Variants in ROCK2 observed in about 807,000 individuals in gnomAD.
ROCK2 encodes the protein Rho associated coiled-coil containing protein kinase 2, also known as rho-associated protein kinase 2.
In ROCK2, 61 loss-of-function variants were observed where a neutral mutation model predicts 195.1. That is an observed-to-expected ratio of 0.31 (90% confidence interval 0.25 to 0.39). The LOEUF is 0.39. Among genes scored for constraint, ROCK2 ranks in the 10% least tolerant of loss-of-function variants. The pLI, the probability that ROCK2 is intolerant of heterozygous loss-of-function variation, is 1.00. For missense variants in ROCK2, 1,109 were observed against 1,637.4 expected (o/e 0.68, Z 5.57); for synonymous variants, 504 against 545.5 (o/e 0.92, Z 1.06).
Position 11,208,345 on chromosome 2 carries a change from T to C in ROCK2, c.2306A>G (p.Lys769Arg), listed in dbSNP as rs762679348. The C allele has an allele frequency of 3.3e-6, 5 of 1,519,566 alleles. No homozygotes were observed. The highest frequency in any genetic ancestry group is 3.6e-5 in the Admixed American group (2 of 56,088). The allele number at this position is 1,519,566 out of a possible 1,614,324, so 94.1% of individuals were successfully genotyped here. The change falls in exon 19 of 33, where the codon AAA becomes AGA. Residue 769 changes from lysine to arginine, a missense_variant. Lys to Arg is a conservative substitution (Grantham distance 26). Transcript: ENST00000315872. ...KRCSLLDCDL[K>R]QSQQKINELL... ...CTCATTTATTTTCTGCTGTGACTGTTTGAGGTCACAGTCTAATAGAGAACA... is the reference window on the plus strand; with the variant it reads ...CTCATTTATTTTCTGCTGTGACTGTCTGAGGTCACAGTCTAATAGAGAACA...
In ROCK2 at chr2:11,344,082, CCGGCGCG is replaced by C. The variant is rs780269164; in HGVS notation, c.48_54del (p.Ala17GlyfsTer15). On this transcript the variant is annotated frameshift_variant, in exon 1 of 33. Coordinates refer to ENST00000315872, the MANE Select transcript of ROCK2 (RefSeq NM_004850.5). LOFTEE classifies it high-confidence loss of function. The surrounding 1 kb of genome is among the most constrained non-coding windows in gnomAD (Gnocchi z 5.4). ...TGGCGGCTCGCGCCTGCCCCGTCCC[CCGGCGCG>C]GTCTCGGGGGCGCCGGGCATTTTCC... The C allele has an allele frequency of 6.5e-7, 1 of 1,545,262 alleles. No individual in the cohort carries two copies. Among genetic ancestry groups the C allele is most frequent in the Non-Finnish European group, 8.7e-7 (1 of 1,151,360 alleles).
chr2:11,255,332 C>A (rs1232374561), intron 3 of ROCK2, among the ~76,000 whole-genome samples: 1 of 150,428 alleles, frequency 6.6e-6, no homozygotes, highest in Non-Finnish European at 1.5e-5. Flanking sequence ...ACTGGACAGC[C>A]TATCAGAATG....
chr2:11,207,942 G>GTAAATTATT (rs763842019), intron 19 of ROCK2, 32 bp from the exon 20 acceptor site: 1 of 1,383,604 alleles, frequency 7.2e-7, no homozygotes, highest in African/African-American at 1.5e-5. Flanking sequence ...TGGTATATAA[G>GTAAATTATT]TAAATTATTT....
chr2:11,274,927 T>G (rs1359494847), intron 3 of ROCK2, among the ~76,000 whole-genome samples: 1 of 152,148 alleles, frequency 6.6e-6, no homozygotes, highest in Non-Finnish European at 1.5e-5. Flanking sequence ...TATGATAAAG[T>G]TCAATTTATA....
At chr2:11,231,306 C>T (rs376348645) in intron 5 of ROCK2, among the ~76,000 whole-genome samples, 2 of 151,726 alleles carry the variant, frequency 1.3e-5, no homozygotes, top group African/African-American at 4.8e-5. Context: ...TGGGTTCAAG[C>T]GATTCTCCTG....
intron 4 of ROCK2, among the ~76,000 whole-genome samples, chr2:11,247,625 T>C (rs1015263783): frequency 6.6e-6 from 1 of 152,218 alleles, no homozygotes; most frequent in Non-Finnish European, 1.5e-5. Context: ...AATATCAATT[T>C]ATGAAATAAC....
At chr2:11,269,133 T>C (rs1308809822) in intron 3 of ROCK2, among the ~76,000 whole-genome samples, 1 of 152,212 alleles carries the variant, frequency 6.6e-6, no homozygotes, top group South Asian at 2.1e-4. Context: ...TTTACTGATA[T>C]TTTCATATTG....
At chr2:11,248,735 A>AAAAAAAAAAG (rs1665718986) in intron 4 of ROCK2, among the ~76,000 whole-genome samples, 1 of 139,584 alleles carries the variant, frequency 7.2e-6, no homozygotes, top group African/African-American at 2.6e-5. Flanking sequence ...AAAAAAAAAA[A>AAAAAAAAAAG]AAAGAAAGAA....
At chr2:11,275,236 G>A (rs1666783087) in intron 3 of ROCK2, among the ~76,000 whole-genome samples, 1 of 148,076 alleles carries the variant, frequency 6.8e-6, no homozygotes, top group South Asian at 2.2e-4. Flanking sequence ...CAGCCTGGGG[G>A]ACAACAGCGA....
chr2:11,264,402 A>T (rs1666344244), intron 3 of ROCK2, among the ~76,000 whole-genome samples: 1 of 58,584 alleles, frequency 1.7e-5, no homozygotes, highest in Non-Finnish European at 5.5e-5. Flanking sequence ...CAGAAAAAAG[A>T]GTAATCAGTG....
At chr2:11,217,402 T>C in intron 11 of ROCK2, 1 of 582,496 alleles carries the variant, frequency 1.7e-6, no homozygotes, top group Non-Finnish European at 3.2e-6. Context: ...TATGTAACCA[T>C]GCATAAGAAG....
intron 27 of ROCK2, among the ~76,000 whole-genome samples, chr2:11,196,242 G>A (rs1032945216): frequency 6.6e-6 from 1 of 152,170 alleles, no homozygotes; most frequent in Non-Finnish European, 1.5e-5. Context: ...TCAGGGTAAC[G>A]ATCGGGCCAA....
intron 1 of ROCK2, among the ~76,000 whole-genome samples, chr2:11,319,051 T>C (rs1668318874): frequency 6.6e-6 from 1 of 152,224 alleles, no homozygotes; most frequent in Admixed American, 6.5e-5. Context: ...GCCTCCAGCT[T>C]TGTTCTTTTG....
At position 11,259,565 on chromosome 2, in the gene ROCK2, G is replaced by C. The variant is rs371787981; in HGVS notation, c.325-9767C>G. 1.1e-4 allele frequency among the ~76,000 whole-genome samples: 16 copies of C among 151,398 alleles called. No homozygotes were observed. The East Asian group carries it at 3.1e-3, about 29-fold the overall frequency. ...CTCAGTTTTGCAATCTATAAAGCTA[G>C]TATCATAATACCCATCATAAGGTTG... On this transcript the variant is annotated intron_variant, in intron 3 of 32. Coordinates refer to ENST00000315872, the MANE Select transcript of ROCK2 (RefSeq NM_004850.5).
Position 11,197,158 on chromosome 2 carries a change from A to C in ROCK2, c.3448+22T>G, listed in dbSNP as rs1350980854. The stretch of plus-strand genomic sequence containing the variant: ...CTGATTTATATTTAAGATAAATATT[A>C]GTGCTGAAAACAAATCCATACCTGG... On this transcript the variant is annotated intron_variant, in intron 27 of 32. Coordinates refer to ENST00000315872, the MANE Select transcript of ROCK2 (RefSeq NM_004850.5). This position sits in a 1 kb window ranked among gnomAD's most constrained non-coding sequence, Gnocchi z 4.9. The C allele has an allele frequency of 6.5e-7, 1 of 1,548,300 alleles. No homozygotes were observed. The highest frequency in any genetic ancestry group is 1.4e-5 in the African/African-American group (1 of 72,304).
intron 9 of ROCK2, 32 bp downstream of exon 9, chr2:11,221,166 C>G: frequency 6.8e-7 from 1 of 1,461,314 alleles, no homozygotes; most frequent in Non-Finnish European, 9.1e-7. Flanking sequence ...ATTCTAAAAA[C>G]AGTAAAATTT....
At chr2:11,200,910 A>G (rs924970104) in intron 23 of ROCK2, 47 bp downstream of exon 23, 2 of 1,499,458 alleles carry the variant, frequency 1.3e-6, no homozygotes, top group Non-Finnish European at 1.8e-6. Context: ...GGTTTAAGAT[A>G]TAGCAATTTA....
At chr2:11,233,533 C>T (rs958311148) in intron 5 of ROCK2, among the ~76,000 whole-genome samples, 1 of 152,028 alleles carries the variant, frequency 6.6e-6, no homozygotes, top group African/African-American at 2.4e-5. Flanking sequence ...ATACATGGGA[C>T]ATATATAAAG....
intron 1 of ROCK2, among the ~76,000 whole-genome samples, chr2:11,326,428 G>A (rs1047771695): frequency 3.3e-5 from 5 of 152,206 alleles, no homozygotes; most frequent in African/African-American, 9.6e-5. Context: ...CTTGGAGCGA[G>A]CAGTTTTAGT....
Sources: gnomAD v4.1 joint callset for allele counts (sites outside exome capture counted in the v4.1 genomes callset) on GRCh38, gnomAD v4.1.1 for gene constraint, Gnocchi (gnomAD v3.1) non-coding constraint, MANE v1.5 for transcripts, NCBI Gene and HGNC (gene_info 2026-07-23, HGNC 2026-07-21) for gene names.